Variants in CUBN observed in about 807,000 individuals in gnomAD.
CUBN encodes the protein cubilin, also known as 460 kDa receptor.
In CUBN, 282 loss-of-function variants were observed where a neutral mutation model predicts 405.3. The observed-to-expected ratio is 0.70, with a 90% CI of 0.63 to 0.77. CUBN has a LOEUF of 0.77. Ranked by LOEUF, CUBN falls within the 30% of genes least tolerant of loss-of-function variation. The pLI is 0.00. For synonymous variants in CUBN, 1,684 were observed against 1,617.0 expected (o/e 1.04, Z -0.99); for missense variants, 4,514 against 4,475.2 (o/e 1.01, Z -0.25).
intron 40 of CUBN, among the ~76,000 whole-genome samples, chr10:16,930,606 T>C (rs74116770): frequency 0.014 from 2,090 of 152,340 alleles, 51 homozygotes; most frequent in African/African-American, 0.046. Context: ...TGTAGTTTCA[T>C]GGACTCTCAG....
At position 16,900,748 on chromosome 10, in the gene CUBN, ATT is replaced by A; in HGVS notation, c.8285_8286del (p.Gln2762LeufsTer22). 1 of 1,614,084 alleles carries A rather than the reference ATT, an allele frequency of 6.2e-7. No homozygotes were observed. The highest frequency in any genetic ancestry group is 1.6e-4 in the Middle Eastern group (1 of 6,062). The stretch of plus-strand genomic sequence containing the variant: ...GTCCTGGGGTTTGAATTTCCACAGT[ATT>A]GTCCTATGATGGGTGATTCAGGGGA... Reference protein sequence around the residue: ...GGSPESPIIGQYCGNSNPRTI... With the variant: ...GGSPESPIIGXYCGNSNPRTI... On this transcript the variant is annotated frameshift_variant, in exon 53 of 67. Coordinates refer to ENST00000377833, the MANE Select transcript of CUBN (RefSeq NM_001081.4). LOFTEE classifies it high-confidence loss of function.
intron 14 of CUBN, among the ~76,000 whole-genome samples, chr10:17,088,956 C>T (rs191786911): frequency 7.1e-4 from 108 of 152,290 alleles, no homozygotes; most frequent in Non-Finnish European, 1.3e-3. Context: ...CATCGGCCCC[C>T]TAACGTTGCT....
At chr10:17,104,642 A>C in intron 11 of CUBN, 37 bp from the exon 12 acceptor site, 3 of 1,510,942 alleles carry the variant, frequency 2.0e-6, no homozygotes, top group Non-Finnish European at 1.8e-6. Context: ...CATAAAACAA[A>C]TGGATAGACA....
chr10:17,010,328 T>A (rs1286507071), intron 28 of CUBN, among the ~76,000 whole-genome samples: 1 of 152,172 alleles, frequency 6.6e-6, no homozygotes, highest in Non-Finnish European at 1.5e-5. Flanking sequence ...AACGGATCCA[T>A]GAGTTGACTT....
At position 17,103,203 on chromosome 10, in the gene CUBN, G is replaced by A; in HGVS notation, c.1452C>T (p.Ser484=). 6.2e-7 allele frequency: 1 copy of A among 1,613,626 alleles called. No individual in the cohort carries two copies. The highest frequency in any genetic ancestry group is 8.5e-7 in the Non-Finnish European group (1 of 1,179,596). ...CGESLSGING[S]FSYRSPDVGY... ...CAACATCCGGGCTCCTGTAGCTGAA[G>A]CTTCCATTTATTCCTGAGAGGGACT... Residue 484 remains serine, a synonymous_variant, in exon 13 of 67, where the codon AGC becomes AGT. Transcript: ENST00000377833.
chr10:17,114,140 C>G lies in CUBN; in HGVS notation c.770G>C (p.Ser257Thr). The change falls in exon 8 of 67, where the codon AGC (serine) becomes ACC (threonine). Residue 257 changes from serine to threonine, a missense_variant. Physicochemically the swap from Ser to Thr is moderately conservative, Grantham distance 58 (BLOSUM62 1). Coordinates refer to ENST00000377833, the MANE Select transcript of CUBN (RefSeq NM_001081.4). ...GTCTCTGTCCAGCGTGCAGGCAGGG[C>G]TGTTGGGTGAAAACATCCACCCAGC... ...CDAGWMFSPN[S>T]PACTLDRDEC... 6.2e-7 allele frequency: 1 copy of G among 1,613,718 alleles called. No homozygotes were observed. Among genetic ancestry groups the G allele is most frequent in the Non-Finnish European group, 8.5e-7 (1 of 1,179,888 alleles).
chr10:17,081,444 C>T lies in CUBN; in HGVS notation c.2301+2827G>A, dbSNP rs1835965177. Among the ~76,000 whole-genome samples, 3 of 152,180 alleles carry T rather than the reference C, an allele frequency of 2.0e-5. No homozygotes were observed. In the South Asian group the frequency reaches 6.2e-4, roughly 31 times the overall value. ...TCAGTAAAGGACAAAGTCAACCCCCCTCTAAACCACCAAAGTATTTGAAAT... is the reference window on the plus strand; with the variant it reads ...TCAGTAAAGGACAAAGTCAACCCCCTTCTAAACCACCAAAGTATTTGAAAT... On this transcript the variant is annotated intron_variant, in intron 17 of 66. Coordinates refer to ENST00000377833, the MANE Select transcript of CUBN (RefSeq NM_001081.4).
chr10:17,017,770 T>C (rs929737623), intron 28 of CUBN, among the ~76,000 whole-genome samples: 1 of 152,088 alleles, frequency 6.6e-6, no homozygotes, highest in Admixed American at 6.5e-5. Flanking sequence ...ATATTAGAAA[T>C]CATTCTTACA....
At chr10:17,073,618 G>A (rs1482513274) in intron 17 of CUBN, among the ~76,000 whole-genome samples, 1 of 151,952 alleles carries the variant, frequency 6.6e-6, no homozygotes, top group East Asian at 1.9e-4. Context: ...AGCTAGTTTT[G>A]TATTTTTAGT....
intron 48 of CUBN, among the ~76,000 whole-genome samples, chr10:16,909,905 C>A (rs1227799946): frequency 1.3e-5 from 2 of 152,172 alleles, no homozygotes; most frequent in East Asian, 3.8e-4. Context: ...TCTGTCTGTA[C>A]AGAGAGTCAG....
chr10:16,842,313 T>C (rs74389372), intron 60 of CUBN, among the ~76,000 whole-genome samples: 17,767 of 152,198 alleles, frequency 0.12, 3,517 homozygotes, highest in African/African-American at 0.4. Context: ...TCCATGAATG[T>C]ACAGATTTCT....
chr10:17,127,012 GT>G (rs955277187), intron 3 of CUBN, among the ~76,000 whole-genome samples: 1 of 150,692 alleles, frequency 6.6e-6, no homozygotes, highest in Non-Finnish European at 1.5e-5. Context: ...GTTTTTTTAA[GT>G]TTTTTTTTAA....
chr10:16,843,914 G>T (rs1218906846), intron 60 of CUBN, among the ~76,000 whole-genome samples: 3 of 152,138 alleles, frequency 2.0e-5, no homozygotes, highest in African/African-American at 7.2e-5. Context: ...TAATGGGAGT[G>T]TATCATGAGA....
At chr10:16,962,858 C>A (rs75156328) in intron 31 of CUBN, among the ~76,000 whole-genome samples, 11 of 151,998 alleles carry the variant, frequency 7.2e-5, no homozygotes, top group Admixed American at 3.3e-4. Flanking sequence ...TCCTGACCCA[C>A]GGAAACTGTA....
At position 16,937,784 on chromosome 10, in the gene CUBN, T is replaced by C. The variant is rs1425812672; in HGVS notation, c.5734A>G (p.Ile1912Val). 6.2e-7 allele frequency: 1 copy of C among 1,613,834 alleles called. No individual in the cohort carries two copies. ...IQNCYYDKLR[I>V]YDGPSIHARL... is the part of the protein sequence containing the mutation. ...GCGTGAATGCTAGGCCCATCATAGA[T>C]CTGTACATAAAAACAGATAATAGAG... The change falls in exon 39 of 67, where the codon ATC (isoleucine) becomes GTC (valine). Residue 1912 changes from isoleucine (I) to valine (V), a missense_variant and splice_region_variant. Ile to Val is a conservative substitution (Grantham distance 29, BLOSUM62 3). Around this residue, in one of 5 missense-constraint regions of CUBN, gnomAD observed 1,613 missense variants for 1,542.8 expected, o/e 1.05. Transcript: ENST00000377833.
chr10:17,005,578 C>T (rs1266304777), intron 28 of CUBN, among the ~76,000 whole-genome samples: 1 of 152,202 alleles, frequency 6.6e-6, no homozygotes, highest in Non-Finnish European at 1.5e-5. Context: ...CTGATCAATT[C>T]TTGCCCATTC....
At chr10:17,039,084 C>G (rs975378436) in intron 27 of CUBN, among the ~76,000 whole-genome samples, 9 of 151,886 alleles carry the variant, frequency 5.9e-5, no homozygotes, top group Non-Finnish European at 7.4e-5. Flanking sequence ...TTTCCTCCCC[C>G]CTCTTTCTGC....
At chr10:17,041,696 A>C (rs936920087) in intron 26 of CUBN, among the ~76,000 whole-genome samples, 1 of 152,154 alleles carries the variant, frequency 6.6e-6, no homozygotes, top group African/African-American at 2.4e-5. Flanking sequence ...TCCTATGGGA[A>C]TGCTAAAAAC....
intron 27 of CUBN, among the ~76,000 whole-genome samples, chr10:17,025,873 A>C (rs1363003205): frequency 6.6e-6 from 1 of 152,122 alleles, no homozygotes; most frequent in Non-Finnish European, 1.5e-5. Flanking sequence ...GGAGATAAGC[A>C]TGCTGTGTGT....
Sources: allele counts gnomAD v4.1 joint callset (sites outside exome capture counted in the v4.1 genomes callset), GRCh38; gene constraint gnomAD v4.1.1; regional missense constraint gnomAD v4.1.1; transcripts MANE v1.5; gene names NCBI Gene and HGNC (gene_info 2026-07-23, HGNC 2026-07-21).